Variants in ATP9A observed in about 807,000 individuals in gnomAD.
ATP9A encodes probable phospholipid-transporting ATPase IIA.
Under a neutral mutation model 144.1 loss-of-function variants are expected in ATP9A, and 52 were observed. The ratio of observed to expected loss-of-function variants is 0.36; its 90% CI spans 0.29 to 0.45. The LOEUF is 0.45. Among genes scored for constraint, ATP9A ranks in the 20% least tolerant of loss-of-function variants. The pLI, the probability that ATP9A is intolerant of heterozygous loss-of-function variation, is 1.00. For missense variants in ATP9A, 947 were observed against 1,392.7 expected, an observed-to-expected ratio of 0.68 and a Z score of 5.09; for synonymous variants, 582 against 557.4, an observed-to-expected ratio of 1.04 and a Z score of -0.62.
intron 1 of ATP9A, among the ~76,000 whole-genome samples, chr20:51,751,267 T>TG (rs1185448865): frequency 2.7e-5 from 4 of 148,482 alleles, no homozygotes; most frequent in East Asian, 2.0e-4. Flanking sequence ...TTTTGTTTTT[T>TG]TTTTTTTTTT....
intron 9 of ATP9A, among the ~76,000 whole-genome samples, chr20:51,678,666 T>C (rs563450858): frequency 6.6e-6 from 1 of 152,198 alleles, no homozygotes; most frequent in South Asian, 2.1e-4. Flanking sequence ...CGGGCTGAGC[T>C]TGGAATGACC....
intron 16 of ATP9A, 133 bp downstream of exon 16, chr20:51,628,847 A>T: frequency 1.4e-6 from 1 of 719,336 alleles, no homozygotes; most frequent in Non-Finnish European, 2.4e-6. Context: ...GTGCTGCTTT[A>T]AGCAGCTGCA....
intron 7 of ATP9A, 61 bp from the exon 8 acceptor site, chr20:51,690,880 G>T: frequency 7.6e-7 from 1 of 1,322,610 alleles, no homozygotes; most frequent in Admixed American, 1.7e-5. Flanking sequence ...ACTTCAGGAG[G>T]CATCCACTAT....
chr20:51,731,275 G>A (rs2077739970), intron 1 of ATP9A, among the ~76,000 whole-genome samples: 1 of 151,786 alleles, frequency 6.6e-6, no homozygotes, highest in Admixed American at 6.6e-5. Context: ...CTCCAGCCTG[G>A]GCAACAGAGC....
intron 3 of ATP9A, among the ~76,000 whole-genome samples, chr20:51,718,852 G>A (rs547470473): frequency 2.8e-5 from 3 of 108,180 alleles, no homozygotes; most frequent in Non-Finnish European, 3.9e-5. Flanking sequence ...AAAACAGGCC[G>A]GGTGCAGTAG....
At chr20:51,627,707 T>C (rs1324451065) in intron 16 of ATP9A, 24 bp from the exon 17 acceptor site, 1 of 1,606,072 alleles carries the variant, frequency 6.2e-7, no homozygotes, top group Non-Finnish European at 8.5e-7. Context: ...CACGGTCGAG[T>C]GGGAGCGGTG....
At position 51,662,315 on chromosome 20, in the gene ATP9A, C is replaced by T. The variant is rs925134286; in HGVS notation, c.1294-5165G>A. 4.0e-5 allele frequency among the ~76,000 whole-genome samples: 6 copies of T among 151,860 alleles called. No homozygotes were observed. The South Asian group carries it at 1.0e-3, about 26-fold the overall frequency. On this transcript the variant is annotated intron_variant, in intron 13 of 27. Transcript: ENST00000338821. ...GTAATCCCAGCACTTTGGGGGAAGA[C>T]GAGTGGATCGCCTGAGGTCGGGAGC...
At chr20:51,635,886 AG>A (rs2077290212) in intron 15 of ATP9A, among the ~76,000 whole-genome samples, 1 of 47,848 alleles carries the variant, frequency 2.1e-5, no homozygotes. Flanking sequence ...GGAGGAGGGG[AG>A]GGGAGGGGAG....
At chr20:51,689,389 G>A (rs2077537396) in intron 8 of ATP9A, among the ~76,000 whole-genome samples, 1 of 152,122 alleles carries the variant, frequency 6.6e-6, no homozygotes, top group East Asian at 1.9e-4. Flanking sequence ...AGGCCTCTTA[G>A]CACTGAAAAA....
chr20:51,766,370 C>G (rs2077903713), intron 1 of ATP9A, among the ~76,000 whole-genome samples: 1 of 152,160 alleles, frequency 6.6e-6, no homozygotes, highest in Non-Finnish European at 1.5e-5. Flanking sequence ...TCCTTGCATC[C>G]CCATCAGCTG....
intron 9 of ATP9A, 25 bp from the exon 10 acceptor site, chr20:51,676,233 AAAAAG>A: frequency 6.4e-7 from 1 of 1,564,698 alleles, no homozygotes; most frequent in Non-Finnish European, 8.7e-7. Flanking sequence ...AGAAAAAAAA[AAAAAG>A]AAAAGAAATA....
intron 14 of ATP9A, among the ~76,000 whole-genome samples, chr20:51,649,048 C>T (rs948992165): frequency 5.7e-4 from 87 of 151,842 alleles, no homozygotes; most frequent in Non-Finnish European, 7.4e-5. Flanking sequence ...GGAAGCTTCC[C>T]CAGATGAGAA....
intron 9 of ATP9A, 121 bp from the exon 10 acceptor site, chr20:51,676,329 G>T: frequency 2.8e-6 from 2 of 707,690 alleles, no homozygotes; most frequent in Non-Finnish European, 2.2e-6. Context: ...TTGAGACAGA[G>T]TCTTGCTCTG....
At chr20:51,603,241 TC>T (rs1302746763) in intron 27 of ATP9A, among the ~76,000 whole-genome samples, 1 of 152,134 alleles carries the variant, frequency 6.6e-6, no homozygotes, top group Admixed American at 6.5e-5. Context: ...AATTAAATGC[TC>T]CTACTGAGGA....
At chr20:51,765,355 C>G (rs2077898933) in intron 1 of ATP9A, among the ~76,000 whole-genome samples, 1 of 152,120 alleles carries the variant, frequency 6.6e-6, no homozygotes. Context: ...ATCCATGTCA[C>G]TGTTTAAGAA....
chr20:51,732,868 A>C (rs1180254430), intron 1 of ATP9A, among the ~76,000 whole-genome samples: 1 of 152,014 alleles, frequency 6.6e-6, no homozygotes, highest in Non-Finnish European at 1.5e-5. Flanking sequence ...AGGAAGATTC[A>C]TTTGACAGAA....
intron 2 of ATP9A, among the ~76,000 whole-genome samples, chr20:51,726,238 G>A (rs971608339): frequency 4.7e-5 from 7 of 149,620 alleles, no homozygotes; most frequent in Non-Finnish European, 1.0e-4. Flanking sequence ...GCTTGAACCC[G>A]GGAGGAGGAA....
At chr20:51,746,937 C>A (rs145725652) in intron 1 of ATP9A, among the ~76,000 whole-genome samples, 1 of 141,270 alleles carries the variant, frequency 7.1e-6, no homozygotes, top group African/African-American at 2.7e-5. Flanking sequence ...ACCCAGGAGG[C>A]GGAGGTTGCA....
At chr20:51,690,401 CAG>C (rs906775969) in intron 8 of ATP9A, among the ~76,000 whole-genome samples, 1 of 152,000 alleles carries the variant, frequency 6.6e-6, no homozygotes, top group Non-Finnish European at 1.5e-5. Flanking sequence ...GCCTGGGCAA[CAG>C]AGCAAGACTC....
Sources: gnomAD v4.1 joint callset for allele counts (sites outside exome capture counted in the v4.1 genomes callset) on GRCh38, gnomAD v4.1.1 for gene constraint, MANE v1.5 for transcripts, NCBI Gene and HGNC (gene_info 2026-07-23, HGNC 2026-07-21) for gene names.